PTPRD: variants seen among roughly 807,000 people sequenced by gnomAD.
The protein encoded by PTPRD is receptor-type tyrosine-protein phosphatase delta.
Under a neutral mutation model 214.5 loss-of-function variants are expected in PTPRD, and 34 were observed. That is an observed-to-expected ratio of 0.16 (90% CI 0.12 to 0.21). The LOEUF is 0.21. PTPRD is among the 10% of genes least tolerant of loss of function. The probability of loss-of-function intolerance (pLI) is 1.00; values close to 1 mark genes in which losing one functional copy is unlikely to be tolerated. For missense variants in PTPRD, 2,545 were observed against 2,398.7 expected (o/e 1.06, Z -1.27); for synonymous variants, 1,128 against 845.7 (o/e 1.33, Z -5.79).
intron 5 of PTPRD, among the ~76,000 whole-genome samples, chr9:9,784,154 A>AT (rs1208903686): frequency 3.9e-5 from 6 of 152,100 alleles, no homozygotes; most frequent in Non-Finnish European, 7.4e-5. Flanking sequence ...TTATAAAAGT[A>AT]TTTTTTAAAT....
intron 14 of PTPRD, among the ~76,000 whole-genome samples, chr9:8,558,421 C>T (rs1319342988): frequency 6.6e-6 from 1 of 152,146 alleles, no homozygotes. Flanking sequence ...GTGGTACCAA[C>T]AAGGCAAGTC....
At chr9:10,363,998 T>TGTTTTTTTTG in intron 2 of PTPRD, among the ~76,000 whole-genome samples, 1 of 49,414 alleles carries the variant, frequency 2.0e-5, no homozygotes, top group Admixed American at 2.0e-4. Context: ...CGGGTTTTTT[T>TGTTTTTTTTG]TTTTTTTTTT....
At chr9:8,920,117 G>C (rs2098817015) in intron 11 of PTPRD, among the ~76,000 whole-genome samples, 1 of 152,110 alleles carries the variant, frequency 6.6e-6, no homozygotes, top group African/African-American at 2.4e-5. Flanking sequence ...GAGGTGGTCA[G>C]ATTGCCTGAG....
chr9:8,494,007 GACACACACACACACAC>G (rs761859777), intron 26 of PTPRD, among the ~76,000 whole-genome samples: 2 of 91,580 alleles, frequency 2.2e-5, no homozygotes, highest in South Asian at 6.8e-4. Flanking sequence ...CAGACACACA[GACACACACACACACAC>G]ACACACACAC....
intron 3 of PTPRD, among the ~76,000 whole-genome samples, chr9:10,200,069 C>T (rs1400622147): frequency 1.3e-5 from 2 of 151,866 alleles, no homozygotes; most frequent in Non-Finnish European, 1.5e-5. Context: ...AATTTTATAT[C>T]ATGTAATATT....
At chr9:9,991,635 A>G (rs191253239) in intron 4 of PTPRD, among the ~76,000 whole-genome samples, 36 of 152,284 alleles carry the variant, frequency 2.4e-4, no homozygotes, top group African/African-American at 7.7e-4. Context: ...TGTTGGGACT[A>G]CAGGCATGAG....
intron 9 of PTPRD, among the ~76,000 whole-genome samples, chr9:9,386,057 T>G (rs2063773980): frequency 6.6e-6 from 1 of 152,076 alleles, no homozygotes; most frequent in African/African-American, 2.4e-5. Flanking sequence ...TAAGGGAAAA[T>G]TTTAGACTTC....
In PTPRD at chr9:8,376,652, A is replaced by G; in HGVS notation, c.4461T>C (p.Thr1487=). 1.2e-6 allele frequency: 2 copies of G among 1,613,180 alleles called. No individual in the cohort carries two copies. Among genetic ancestry groups the G allele is most frequent in the Non-Finnish European group, 8.5e-7 (1 of 1,179,376 alleles). The change falls in exon 38 of 46, where the codon ACT becomes ACC. Residue 1487 remains threonine (T), a synonymous_variant. Transcript: ENST00000381196. ...HGLVQVTLLD[T]VELATYCVRT... is the part of the protein sequence containing the mutation. The stretch of plus-strand genomic sequence containing the variant: ...GAACACAATATGTGGCCAGCTCCAC[A>G]GTATCAAGCAGCGTTACTTGAACGA...
In PTPRD at chr9:8,860,228, TAAG is replaced by T. The variant is rs1313882374; in HGVS notation, c.-103-126285_-103-126283del. 8 of 152,372 alleles carry T rather than the reference TAAG, an allele frequency of 5.3e-5. No homozygotes were observed. The East Asian group carries it at 9.6e-4, about 18-fold the overall frequency. 9.4% of individuals were successfully genotyped at this position (152,372 alleles called of 1,614,324 possible). On this transcript the variant is annotated intron_variant, in intron 11 of 45. Coordinates refer to ENST00000381196, the MANE Select transcript of PTPRD (RefSeq NM_002839.4). ...CTCTGCCTGCAGATCTGACCTCATT[TAAG>T]AAGAACCCAGCTGGTAAATCTGACT...
At chr9:9,738,438 A>AATTTTTT (rs1564880927) in intron 6 of PTPRD, among the ~76,000 whole-genome samples, 1 of 54,296 alleles carries the variant, frequency 1.8e-5, no homozygotes. Context: ...TCACTCACTC[A>AATTTTTT]CTTTTTTTTT....
chr9:8,517,334 C>T (rs929125892), intron 21 of PTPRD, among the ~76,000 whole-genome samples: 2 of 152,146 alleles, frequency 1.3e-5, no homozygotes, highest in African/African-American at 4.8e-5. Flanking sequence ...TCTCTTTATC[C>T]ACTGAGGCCA....
chr9:8,931,529 T>C (rs2098952472), intron 11 of PTPRD, among the ~76,000 whole-genome samples: 1 of 152,200 alleles, frequency 6.6e-6, no homozygotes, highest in Admixed American at 6.5e-5. Flanking sequence ...GGGGATGGCA[T>C]TGAATCTATA....
At chr9:8,552,022 G>A (rs914275224) in intron 14 of PTPRD, among the ~76,000 whole-genome samples, 1 of 152,106 alleles carries the variant, frequency 6.6e-6, no homozygotes, top group Non-Finnish European at 1.5e-5. Flanking sequence ...AAAAGTTCTG[G>A]CAATACTGCC....
chr9:10,168,476 G>A (rs1448713801), intron 3 of PTPRD, among the ~76,000 whole-genome samples: 3 of 152,102 alleles, frequency 2.0e-5, no homozygotes, highest in South Asian at 2.1e-4. Context: ...ACCTTGCCTC[G>A]GCATGGGCTC....
At chr9:10,085,991 C>A (rs900304144) in intron 3 of PTPRD, among the ~76,000 whole-genome samples, 1 of 151,632 alleles carries the variant, frequency 6.6e-6, no homozygotes, top group East Asian at 1.9e-4. Context: ...ATTAAGCAAC[C>A]AGTGGTGGTG....
At chr9:10,601,937 G>A (rs1414577587) in intron 2 of PTPRD, among the ~76,000 whole-genome samples, 4 of 151,774 alleles carry the variant, frequency 2.6e-5, no homozygotes, top group African/African-American at 9.7e-5. Flanking sequence ...GAAAGGAGCT[G>A]TCTCATAGGG....
At chr9:8,511,761 TC>T (rs998336513) in intron 21 of PTPRD, among the ~76,000 whole-genome samples, 2 of 152,178 alleles carry the variant, frequency 1.3e-5, no homozygotes, top group Non-Finnish European at 2.9e-5. Context: ...TAAAAGTATG[TC>T]CGCCCTCTTG....
Position 10,335,500 on chromosome 9 carries a change from G to A in PTPRD, c.-545+5463C>T, listed in dbSNP as rs75032043. Among the ~76,000 whole-genome samples, 61 of 151,742 alleles carry A rather than the reference G, an allele frequency of 4.0e-4. 1 individual carries two copies. The East Asian group carries it at 9.7e-3, about 24-fold the overall frequency. ...AGCCAAAACTATGAAACTCTTACAA[G>A]ATATCATAGAAGAAAATGTAGATGA... is the stretch of plus-strand genomic sequence containing the variant. On this transcript the variant is annotated intron_variant, in intron 3 of 45. Coordinates refer to ENST00000381196, the MANE Select transcript of PTPRD (RefSeq NM_002839.4).
chr9:8,951,234 A>G (rs2099100366), intron 11 of PTPRD, among the ~76,000 whole-genome samples: 1 of 150,904 alleles, frequency 6.6e-6, no homozygotes, highest in African/African-American at 2.4e-5. Flanking sequence ...GCAGTTTTCC[A>G]CTGTCTTTCT....
Sources: allele counts gnomAD v4.1 joint callset (sites outside exome capture counted in the v4.1 genomes callset), GRCh38; gene constraint gnomAD v4.1.1; transcripts MANE v1.5; gene names NCBI Gene and HGNC (gene_info 2026-07-23, HGNC 2026-07-21).